The following LRP4 variants were observed in gnomAD, a reference collection of about 807,000 sequenced individuals.
The protein encoded by LRP4 is LDL receptor related protein 4.
LRP4 carries 95 observed loss-of-function variants against 220.3 expected under a neutral mutation model. The observed-to-expected ratio is 0.43, with a 90% CI of 0.37 to 0.51. LRP4 has a LOEUF of 0.51. Ranked by LOEUF, LRP4 falls within the 20% of genes least tolerant of loss-of-function variation. The probability of loss-of-function intolerance (pLI) is 0.00; values close to 1 mark genes in which losing one functional copy is unlikely to be tolerated. For missense variants in LRP4, 1,925 were observed against 2,567.0 expected (o/e 0.75, Z 5.40); for synonymous variants, 903 against 954.6 (o/e 0.95, Z 1.00).
chr11:46,869,627 CAA>C (rs1411657284), intron 31 of LRP4, among the ~76,000 whole-genome samples: 1 of 152,100 alleles, frequency 6.6e-6, no homozygotes, highest in East Asian at 1.9e-4. Flanking sequence ...TCTTCTAAAG[CAA>C]TGATGGTGAA....
intron 1 of LRP4, among the ~76,000 whole-genome samples, chr11:46,914,207 T>C (rs974725264): frequency 6.6e-5 from 10 of 152,268 alleles, no homozygotes; most frequent in African/African-American, 1.9e-4. Context: ...TCCCCTACCC[T>C]ACCCGCCTTT....
intron 7 of LRP4, 48 bp from the exon 8 acceptor site, chr11:46,897,042 A>G: frequency 6.2e-7 from 1 of 1,613,000 alleles, no homozygotes; most frequent in South Asian, 1.1e-5. Context: ...TTTCAGCCTG[A>G]AATTCTCCCT....
At position 46,914,789 on chromosome 11, in the gene LRP4, T is replaced by C. The variant is rs1941921682; in HGVS notation, c.52+3539A>G. Among the ~76,000 whole-genome samples, 5 of 152,130 alleles carry C rather than the reference T, an allele frequency of 3.3e-5. No individual in the cohort carries two copies. In the South Asian group the frequency reaches 1.0e-3, roughly 32 times the overall value. On this transcript the variant is annotated intron_variant, in intron 1 of 37. Coordinates refer to ENST00000378623, the MANE Select transcript of LRP4 (RefSeq NM_002334.4). ...TTACCCAATCATAAAAAAGACAAGA[T>C]TACTTCTTAAAGTAGTCCCTGAAAT...
At chr11:46,902,631 C>T in intron 2 of LRP4, 152 bp downstream of exon 2, 1 of 865,266 alleles carries the variant, frequency 1.2e-6, no homozygotes. Flanking sequence ...AGTGAAGAAA[C>T]TACCCAAATG....
At chr11:46,898,414 G>A (rs1037840441) in intron 7 of LRP4, 144 bp downstream of exon 7, 3 of 1,097,062 alleles carry the variant, frequency 2.7e-6, no homozygotes, top group Non-Finnish European at 4.1e-6. Context: ...TTGAACTCCT[G>A]ACCTCAAGCA....
intron 1 of LRP4, among the ~76,000 whole-genome samples, chr11:46,913,336 C>G (rs1301434357): frequency 6.6e-6 from 1 of 152,196 alleles, no homozygotes; most frequent in Non-Finnish European, 1.5e-5. Context: ...TTTTTAACAG[C>G]TGCTCTTGGT....
At position 46,874,929 on chromosome 11, in the gene LRP4, A is replaced by T; in HGVS notation, c.4100T>A (p.Ile1367Asn). ...GGTGTGGTCACTGGTGTCCAGTGAG[A>T]TACGCCGGATGGAGCCACGGCTGGA... is the stretch of plus-strand genomic sequence containing the variant. ...LFSSRGSIRRISLDTSDHTDV... is the reference protein window; with the variant it reads ...LFSSRGSIRRNSLDTSDHTDV... The change falls in exon 28 of 38, where the codon ATC becomes AAC. Residue 1367 changes from isoleucine to asparagine, a missense_variant. Ile to Asn is a moderately radical substitution (Grantham distance 149, BLOSUM62 -3). This residue lies in a region of LRP4 where 1,244 missense variants were observed against 1,624.9 expected (regional missense o/e 0.77). Transcript: ENST00000378623. 1 of 1,614,166 alleles carries T rather than the reference A, an allele frequency of 6.2e-7. No individual in the cohort carries two copies. Among genetic ancestry groups the T allele is most frequent in the Non-Finnish European group, 8.5e-7 (1 of 1,180,032 alleles).
chr11:46,866,578 G>C (rs1013166487), intron 34 of LRP4, among the ~76,000 whole-genome samples: 1 of 152,050 alleles, frequency 6.6e-6, no homozygotes, highest in Non-Finnish European at 1.5e-5. Context: ...GAGCCACTGC[G>C]CCTGGCCCAG....
chr11:46,876,351 G>A, intron 25 of LRP4, 115 bp downstream of exon 25: 2 of 1,188,402 alleles, frequency 1.7e-6, no homozygotes, highest in Non-Finnish European at 2.5e-6. Context: ...GAGCCCCAGG[G>A]AGGTCACCTT....
chr11:46,911,830 A>T (rs1941863991), intron 1 of LRP4, among the ~76,000 whole-genome samples: 2 of 143,480 alleles, frequency 1.4e-5, no homozygotes, highest in Admixed American at 7.2e-5. Context: ...CATCTGTAAG[A>T]TGGGAATCTT....
chr11:46,916,963 G>A (rs539766912), intron 1 of LRP4, among the ~76,000 whole-genome samples: 2 of 152,300 alleles, frequency 1.3e-5, no homozygotes, highest in African/African-American at 4.8e-5. Context: ...AGCGCAGAGC[G>A]GAGCGGAACG....
intron 30 of LRP4, among the ~76,000 whole-genome samples, chr11:46,872,117 G>A (rs749396374): frequency 5.3e-5 from 8 of 152,124 alleles, no homozygotes; most frequent in Non-Finnish European, 1.5e-5. Context: ...TTAGCCAGGC[G>A]TGGTGACACG....
chr11:46,901,795 C>T lies in LRP4; in HGVS notation c.199+988G>A, dbSNP rs372083707. On this transcript the variant is annotated intron_variant, in intron 2 of 37. Transcript: ENST00000378623. ...TCGCCCAATCTGGAGTGCAGTGGCGCGATCTCGGCTCACTGCAAGCTCTGT... is the reference window on the plus strand; with the variant it reads ...TCGCCCAATCTGGAGTGCAGTGGCGTGATCTCGGCTCACTGCAAGCTCTGT... Among the ~76,000 whole-genome samples, 317 of 151,954 alleles carry T rather than the reference C, an allele frequency of 2.1e-3. 2 individuals carry two copies. The highest frequency in any genetic ancestry group is 5.2e-3 in the African/African-American group (215 of 41,462).
chr11:46,912,683 C>G (rs894408774), intron 1 of LRP4, among the ~76,000 whole-genome samples: 1 of 152,152 alleles, frequency 6.6e-6, no homozygotes, highest in Non-Finnish European at 1.5e-5. Flanking sequence ...GTGGAGCTGC[C>G]GAGCTTGGAG....
At chr11:46,905,346 T>C (rs1164838658) in intron 1 of LRP4, among the ~76,000 whole-genome samples, 3 of 152,212 alleles carry the variant, frequency 2.0e-5, no homozygotes, top group African/African-American at 7.2e-5. Flanking sequence ...GATGTTTAAT[T>C]CCACTCCATG....
At chr11:46,863,454 C>T (rs1940609492) in intron 36 of LRP4, among the ~76,000 whole-genome samples, 1 of 151,890 alleles carries the variant, frequency 6.6e-6, no homozygotes, top group African/African-American at 2.4e-5. Context: ...TCTAAACTCT[C>T]TGGCTGGGTG....
At chr11:46,870,132 G>T (rs905010551) in intron 31 of LRP4, among the ~76,000 whole-genome samples, 1 of 151,572 alleles carries the variant, frequency 6.6e-6, no homozygotes, top group Non-Finnish European at 1.5e-5. Flanking sequence ...CACCAGGTGT[G>T]GTGGCACATG....
At chr11:46,881,058 CAAAAAAA>C (rs60125188) in intron 20 of LRP4, among the ~76,000 whole-genome samples, 1 of 56,106 alleles carries the variant, frequency 1.8e-5, no homozygotes, top group East Asian at 6.8e-4. Context: ...TCTAAAAAAC[CAAAAAAA>C]AAAAAAAAAA....
intron 20 of LRP4, among the ~76,000 whole-genome samples, chr11:46,880,705 A>G (rs1383398708): frequency 1.3e-5 from 2 of 152,122 alleles, no homozygotes; most frequent in Admixed American, 1.3e-4. Flanking sequence ...TAACAAAGAA[A>G]AAAAGTGGGG....
Sources: allele counts gnomAD v4.1 joint callset (sites outside exome capture counted in the v4.1 genomes callset), GRCh38; gene constraint gnomAD v4.1.1; regional missense constraint gnomAD v4.1.1; transcripts MANE v1.5; gene names NCBI Gene and HGNC (gene_info 2026-07-23, HGNC 2026-07-21).